Variants in ACTR3 observed in about 807,000 individuals in gnomAD.
The protein encoded by ACTR3 is actin related protein 3, also known as actin-related protein 3.
A neutral mutation model predicts 56.8 loss-of-function variants in ACTR3; 12 were observed. That is an observed-to-expected ratio of 0.21 (90% CI 0.14 to 0.34). The LOEUF is 0.34. Among genes scored for constraint, ACTR3 ranks in the 10% least tolerant of loss-of-function variants. The probability of loss-of-function intolerance (pLI) is 1.00; values close to 1 mark genes in which losing one functional copy is unlikely to be tolerated. For missense variants in ACTR3, 282 were observed against 512.5 expected (o/e 0.55, Z 4.34); for synonymous variants, 162 against 167.4 (o/e 0.97, Z 0.25).
intron 6 of ACTR3, among the ~76,000 whole-genome samples, chr2:113,935,355 A>G (rs1209681563): frequency 1.3e-5 from 2 of 152,134 alleles, no homozygotes; most frequent in African/African-American, 4.8e-5. Flanking sequence ...AACAGTCACC[A>G]CCCATTTCCC....
Position 113,930,875 on chromosome 2 carries a change from G to A in ACTR3, c.337-426G>A, listed in dbSNP as rs1384799505. ...TTTACTGTAATCCTATATACTTCGG[G>A]GACATTCATCTAAAAGCATTACTTA... On this transcript the variant is annotated intron_variant, in intron 4 of 11. Coordinates refer to ENST00000263238, the MANE Select transcript of ACTR3 (RefSeq NM_005721.5). Among the ~76,000 whole-genome samples the A allele has an allele frequency of 4.6e-5, 7 of 152,048 alleles. 1 individual carries two copies. The highest frequency in any genetic ancestry group is 1.0e-4 in the Non-Finnish European group (7 of 68,016).
At chr2:113,940,166 G>A in intron 7 of ACTR3, 64 bp downstream of exon 7, 2 of 1,431,136 alleles carry the variant, frequency 1.4e-6, no homozygotes, top group Non-Finnish European at 1.9e-6. Context: ...ACATTAACGT[G>A]AGAAATTTTT....
At chr2:113,893,384 C>T (rs968466030) in intron 1 of ACTR3, among the ~76,000 whole-genome samples, 5 of 152,028 alleles carry the variant, frequency 3.3e-5, no homozygotes, top group Non-Finnish European at 4.4e-5. Flanking sequence ...ACCTCCACCT[C>T]CCAGGTTCAA....
Position 113,962,409 on chromosome 2 carries a change from A to G in ACTR3, c.*4954A>G, listed in dbSNP as rs900475585. ...TTCTCCCTCTGGCTTTTATTGATCA[A>G]TTTTGATATTGTCCAGATCCCATGT... On this transcript the variant is annotated 3_prime_UTR_variant, in exon 12 of 12. Transcript: ENST00000263238. 1.3e-5 allele frequency: 2 copies of G among 152,020 alleles called. No individual in the cohort carries two copies. Among genetic ancestry groups the G allele is most frequent in the African/African-American group, 4.8e-5 (2 of 41,424 alleles). 9.4% of individuals were successfully genotyped at this position (152,020 alleles called of 1,614,324 possible).
In ACTR3 at chr2:113,917,011, A is replaced by G. The variant is rs1679416515; in HGVS notation, c.225+3A>G. On this transcript the variant is annotated splice_donor_region_variant and intron_variant, in intron 3 of 11. Transcript: ENST00000263238. ...AAAAACCTACATATGCAACAAAGGT[A>G]TGTTTTTATGATTTGTATAAATAAC... 2 of 1,594,678 alleles carry G rather than the reference A, an allele frequency of 1.3e-6. No homozygotes were observed. Among genetic ancestry groups the G allele is most frequent in the Non-Finnish European group, 1.7e-6 (2 of 1,172,184 alleles).
In ACTR3 at chr2:113,951,752, C is replaced by G. The variant is rs763408839; in HGVS notation, c.984C>G (p.Phe328Leu). 6.2e-7 allele frequency: 1 copy of G among 1,613,304 alleles called. No homozygotes were observed. Among genetic ancestry groups the G allele is most frequent in the South Asian group, 1.1e-5 (1 of 91,036 alleles). The part of the protein sequence containing the change: ...NIVLSGGSTM[F>L]RDFGRRLQRD... Reference sequence around the variant, plus strand: ...TCCTCTCTGGAGGTTCAACCATGTTCAGGGACTTTGGACGTCGCTTGCAAA... The same window carrying G: ...TCCTCTCTGGAGGTTCAACCATGTTGAGGGACTTTGGACGTCGCTTGCAAA... The change falls in exon 10 of 12, where the codon TTC becomes TTG. Residue 328 changes from phenylalanine (F) to leucine (L), a missense_variant. Physicochemically the swap from Phe to Leu is conservative, Grantham distance 22. Transcript: ENST00000263238.
At chr2:113,903,288 G>A (rs1679134738) in intron 1 of ACTR3, among the ~76,000 whole-genome samples, 1 of 152,058 alleles carries the variant, frequency 6.6e-6, no homozygotes, top group Non-Finnish European at 1.5e-5. Flanking sequence ...TATTTATTCT[G>A]CTTGGGTGTT....
At position 113,957,705 on chromosome 2, in the gene ACTR3, C is replaced by G. The variant is rs531534965; in HGVS notation, c.*250C>G. On this transcript the variant is annotated 3_prime_UTR_variant, in exon 12 of 12. Coordinates refer to ENST00000263238, the MANE Select transcript of ACTR3 (RefSeq NM_005721.5). The stretch of plus-strand genomic sequence containing the variant: ...TAACAAAAAGAAGTGGGTTTTAGTT[C>G]TTTCTGTGCCCTGATATTTTGTATA... The G allele has an allele frequency of 4.8e-6, 2 of 413,322 alleles. No individual in the cohort carries two copies. The highest frequency in any genetic ancestry group is 2.0e-5 in the African/African-American group (1 of 50,526). The allele number at this position is 413,322 out of a possible 1,614,324, so 25.6% of individuals were successfully genotyped here.
intron 1 of ACTR3, among the ~76,000 whole-genome samples, chr2:113,895,260 A>T (rs1678985721): frequency 6.6e-6 from 1 of 152,136 alleles, no homozygotes; most frequent in Non-Finnish European, 1.5e-5. Flanking sequence ...AACAACCTGG[A>T]AAGTATTATC....
chr2:113,900,461 G>A (rs755567988), intron 1 of ACTR3, among the ~76,000 whole-genome samples: 1 of 152,196 alleles, frequency 6.6e-6, no homozygotes, highest in Non-Finnish European at 1.5e-5. Context: ...GGTGATGGAC[G>A]TATAGCAAAG....
intron 3 of ACTR3, among the ~76,000 whole-genome samples, chr2:113,919,743 ATTATT>A (rs1394682733): frequency 3.6e-5 from 5 of 137,010 alleles, no homozygotes; most frequent in Non-Finnish European, 4.5e-5. Flanking sequence ...ACATCTAAAA[ATTATT>A]TTATTTTATT....
chr2:113,942,718 C>T, intron 8 of ACTR3, among the ~76,000 whole-genome samples: 1 of 151,680 alleles, frequency 6.6e-6, no homozygotes, highest in African/African-American at 2.4e-5. Flanking sequence ...TAGAAAGCTC[C>T]CCCCCTCCCT....
At chr2:113,911,164 G>A (rs1679299229) in intron 1 of ACTR3, among the ~76,000 whole-genome samples, 1 of 152,182 alleles carries the variant, frequency 6.6e-6, no homozygotes, top group Non-Finnish European at 1.5e-5. Context: ...ATGAGTTGGA[G>A]TGTTGAGAAA....
chr2:113,930,883 A>T (rs1243683737), intron 4 of ACTR3, among the ~76,000 whole-genome samples: 1 of 152,184 alleles, frequency 6.6e-6, no homozygotes, highest in Non-Finnish European at 1.5e-5. Context: ...GGGGACATTC[A>T]TCTAAAAGCA....
intron 7 of ACTR3, 66 bp downstream of exon 7, chr2:113,940,168 GA>G: frequency 7.2e-7 from 1 of 1,390,368 alleles, no homozygotes; most frequent in South Asian, 1.4e-5. Context: ...ATTAACGTGA[GA>G]AATTTTTAAT....
chr2:113,909,469 A>G (rs749771579), intron 1 of ACTR3, among the ~76,000 whole-genome samples: 3 of 152,180 alleles, frequency 2.0e-5, no homozygotes, highest in Non-Finnish European at 4.4e-5. Flanking sequence ...TGTAATATTT[A>G]GGAGACGATA....
At chr2:113,930,128 G>A (rs1679693001) in intron 4 of ACTR3, among the ~76,000 whole-genome samples, 1 of 151,862 alleles carries the variant, frequency 6.6e-6, no homozygotes, top group Non-Finnish European at 1.5e-5. Flanking sequence ...TTCCTTTGTG[G>A]GGTCCTCTGA....
At chr2:113,912,976 T>C (rs1249491598) in intron 1 of ACTR3, among the ~76,000 whole-genome samples, 196 bp from the exon 2 acceptor site, 1 of 152,200 alleles carries the variant, frequency 6.6e-6, no homozygotes, top group African/African-American at 2.4e-5. Context: ...TGAAGTGGAA[T>C]TTCTTTTCAG....
At chr2:113,910,309 A>G (rs992016147) in intron 1 of ACTR3, among the ~76,000 whole-genome samples, 1 of 152,156 alleles carries the variant, frequency 6.6e-6, no homozygotes. Flanking sequence ...GGAGGGTGGT[A>G]CGCTCGAGAG....
Sources: gnomAD v4.1 joint callset for allele counts (sites outside exome capture counted in the v4.1 genomes callset) on GRCh38, gnomAD v4.1.1 for gene constraint, MANE v1.5 for transcripts, NCBI Gene and HGNC (gene_info 2026-07-23, HGNC 2026-07-21) for gene names.